The following FHIT variants were observed in gnomAD, a reference collection of about 807,000 sequenced individuals.
FHIT encodes fragile histidine triad diadenosine triphosphatase, also known as bis(5'-adenosyl)-triphosphatase.
FHIT carries 19 observed loss-of-function variants against 17.9 expected under a neutral mutation model. The ratio of observed to expected loss-of-function variants is 1.06; its 90% CI spans 0.74 to 1.56. The LOEUF (loss-of-function observed/expected upper bound fraction) is 1.56. Among genes scored for constraint, FHIT ranks in the 40% most tolerant of loss-of-function variants. The probability of loss-of-function intolerance (pLI) is 0.00; values close to 1 mark genes in which losing one functional copy is unlikely to be tolerated. For missense variants in FHIT, 248 were observed against 189.2 expected (o/e 1.31, Z -1.82); for synonymous variants, 81 against 69.7 (o/e 1.16, Z -0.81).
At chr3:60,151,141 G>A (rs529057815) in intron 5 of FHIT, among the ~76,000 whole-genome samples, 3 of 152,174 alleles carry the variant, frequency 2.0e-5, no homozygotes, top group African/African-American at 7.2e-5. Context: ...CTGGACATGA[G>A]AATTATTACA....
chr3:59,923,450 G>A (rs1247276106), intron 7 of FHIT, among the ~76,000 whole-genome samples: 1 of 152,096 alleles, frequency 6.6e-6, no homozygotes, highest in Non-Finnish European at 1.5e-5. Flanking sequence ...GTCTACTAAA[G>A]CACCCAGGTA....
At chr3:59,916,472 C>A (rs1705140349) in intron 8 of FHIT, among the ~76,000 whole-genome samples, 1 of 152,154 alleles carries the variant, frequency 6.6e-6, no homozygotes, top group Non-Finnish European at 1.5e-5. Context: ...AATAAACTCT[C>A]CTTCATATAT....
At chr3:60,699,808 T>C (rs1164959104) in intron 4 of FHIT, among the ~76,000 whole-genome samples, 2 of 151,668 alleles carry the variant, frequency 1.3e-5, no homozygotes, top group Non-Finnish European at 2.9e-5. Context: ...GAAAAATCAT[T>C]TTAATTTTAA....
intron 5 of FHIT, among the ~76,000 whole-genome samples, chr3:60,045,186 T>C (rs947789933): frequency 6.6e-6 from 1 of 152,146 alleles, no homozygotes; most frequent in Non-Finnish European, 1.5e-5. Context: ...ACACTTAAAA[T>C]GGTTAAAATG....
At chr3:59,947,374 T>A (rs1340382241) in intron 7 of FHIT, among the ~76,000 whole-genome samples, 1 of 152,186 alleles carries the variant, frequency 6.6e-6, no homozygotes, top group Non-Finnish European at 1.5e-5. Flanking sequence ...CTTTGTCATT[T>A]CTAACTTTGT....
chr3:60,536,857 T>C lies in FHIT; in HGVS notation c.103+3A>G. 1 of 1,587,280 alleles carries C rather than the reference T, an allele frequency of 6.3e-7. No homozygotes were observed. The highest frequency in any genetic ancestry group is 8.5e-7 in the Non-Finnish European group (1 of 1,171,476). On this transcript the variant is annotated splice_donor_region_variant and intron_variant, in intron 5 of 9. Coordinates refer to ENST00000492590, the MANE Select transcript of FHIT (RefSeq NM_002012.4). ...CCTCTCCAAAAAAAAAAAGAAAGGA[T>C]ACGTCCTGGTACCACAGGTTTCCTA...
chr3:60,443,467 G>A (rs2107340937), intron 5 of FHIT, among the ~76,000 whole-genome samples: 1 of 152,266 alleles, frequency 6.6e-6, no homozygotes. Context: ...AATTTATTGA[G>A]AGTTTTTAGC....
intron 5 of FHIT, among the ~76,000 whole-genome samples, chr3:60,379,758 C>G (rs1700722723): frequency 6.6e-6 from 1 of 152,034 alleles, no homozygotes; most frequent in Admixed American, 6.6e-5. Flanking sequence ...AAGGAGATAC[C>G]TAGTTTTCAG....
At chr3:61,062,468 G>A (rs938221314) in intron 2 of FHIT, among the ~76,000 whole-genome samples, 3 of 152,002 alleles carry the variant, frequency 2.0e-5, no homozygotes, top group African/African-American at 7.3e-5. Context: ...GGATTTATAC[G>A]ATCTTATATC....
intron 5 of FHIT, among the ~76,000 whole-genome samples, chr3:60,483,242 C>T (rs954373244): frequency 6.6e-6 from 1 of 152,116 alleles, no homozygotes; most frequent in Non-Finnish European, 1.5e-5. Context: ...CCAAATTCTA[C>T]CAGAGGTACA....
intron 5 of FHIT, among the ~76,000 whole-genome samples, chr3:60,428,515 TG>T (rs1230950861): frequency 9.9e-5 from 15 of 152,174 alleles, no homozygotes; most frequent in African/African-American, 3.6e-4. Context: ...TGTTAACTCT[TG>T]GAAAACATTA....
intron 5 of FHIT, among the ~76,000 whole-genome samples, chr3:60,040,224 C>T (rs936866306): frequency 9.9e-5 from 15 of 152,084 alleles, no homozygotes; most frequent in Admixed American, 7.9e-4. Flanking sequence ...CGGCTCACTG[C>T]AACCTCCGCC....
At chr3:60,452,057 T>C (rs563217785) in intron 5 of FHIT, among the ~76,000 whole-genome samples, 2 of 152,272 alleles carry the variant, frequency 1.3e-5, no homozygotes, top group African/African-American at 4.8e-5. Flanking sequence ...CAAATAAACA[T>C]ACCACACTTT....
At chr3:60,622,626 T>C (rs983645289) in intron 4 of FHIT, among the ~76,000 whole-genome samples, 3 of 152,208 alleles carry the variant, frequency 2.0e-5, no homozygotes, top group Admixed American at 6.5e-5. Flanking sequence ...CCTGGGCTGA[T>C]TGGATGCATG....
At chr3:60,213,360 T>C (rs1353375352) in intron 5 of FHIT, among the ~76,000 whole-genome samples, 3 of 152,150 alleles carry the variant, frequency 2.0e-5, no homozygotes, top group Non-Finnish European at 4.4e-5. Flanking sequence ...TCAAGTCGTC[T>C]CTCTACATAG....
chr3:60,856,811 C>A (rs969093520), intron 3 of FHIT, among the ~76,000 whole-genome samples: 1 of 152,028 alleles, frequency 6.6e-6, no homozygotes, highest in South Asian at 2.1e-4. Context: ...TTCTTCAGTG[C>A]GTGGACCCTA....
intron 5 of FHIT, among the ~76,000 whole-genome samples, chr3:60,171,100 A>C (rs1213121456): frequency 6.6e-6 from 1 of 152,208 alleles, no homozygotes; most frequent in Admixed American, 6.5e-5. Flanking sequence ...TACCACAAGA[A>C]AGTCAAAATA....
chr3:60,167,408 G>A (rs1701223320), intron 5 of FHIT, among the ~76,000 whole-genome samples: 2 of 152,132 alleles, frequency 1.3e-5, no homozygotes, highest in Non-Finnish European at 2.9e-5. Context: ...ATATACACAT[G>A]CATATGTGTA....
At chr3:60,460,075 C>T (rs942357055) in intron 5 of FHIT, among the ~76,000 whole-genome samples, 1 of 152,130 alleles carries the variant, frequency 6.6e-6, no homozygotes, top group African/African-American at 2.4e-5. Context: ...CTCCACAACC[C>T]TCTTTTCAGA....
Sources: allele counts gnomAD v4.1 joint callset (sites outside exome capture counted in the v4.1 genomes callset), GRCh38; gene constraint gnomAD v4.1.1; transcripts MANE v1.5; gene names NCBI Gene and HGNC (gene_info 2026-07-23, HGNC 2026-07-21).